NPC1L1: variants seen among roughly 807,000 people sequenced by gnomAD.
The protein encoded by NPC1L1 is NPC1-like intracellular cholesterol transporter 1.
NPC1L1 carries 98 observed loss-of-function variants against 117.0 expected under a neutral mutation model. That is an observed-to-expected ratio of 0.84 (90% CI 0.71 to 0.99). NPC1L1 has a LOEUF of 0.99. NPC1L1 is among the 50% of genes least tolerant of loss of function. The pLI is 0.00. For synonymous variants in NPC1L1, 729 were observed against 727.6 expected (o/e 1.00, Z -0.03); for missense variants, 1,540 against 1,710.0 (o/e 0.90, Z 1.75).
At chr7:44,532,014 C>T in intron 9 of NPC1L1, 66 bp downstream of exon 9, 1 of 1,612,332 alleles carries the variant, frequency 6.2e-7, no homozygotes, top group Non-Finnish European at 8.5e-7. Flanking sequence ...ACCTCCAACC[C>T]TGCTCTCCCT....
rs543332037 is a variant in NPC1L1, at chr7:44,534,477, A to G, written c.2136T>C (p.Asp712=). 1.9e-6 allele frequency: 3 copies of G among 1,614,154 alleles called. No individual in the cohort carries two copies. The highest frequency in any genetic ancestry group is 1.7e-5 in the Admixed American group (1 of 60,022). ...ACTCGAGAACAAAGATGAAGATGTTATCAGCCCCCACGGACAGCACCAGGA... is the reference window on the plus strand; with the variant it reads ...ACTCGAGAACAAAGATGAAGATGTTGTCAGCCCCCACGGACAGCACCAGGA... ...VPFLVLSVGA[D]NIFIFVLEYQ... Residue 712 remains aspartate, a synonymous_variant, in exon 6 of 19, where the codon GAT becomes GAC. Transcript: ENST00000381160. The surrounding 1 kb of genome is among the most constrained non-coding windows in gnomAD (Gnocchi z 5.2).
rs758104320 is a variant in NPC1L1, at chr7:44,520,825, A to G, written c.3081-5T>C. 1 of 1,614,094 alleles carries G rather than the reference A, an allele frequency of 6.2e-7. No individual in the cohort carries two copies. On this transcript the variant is annotated splice_region_variant and splice_polypyrimidine_tract_variant and intron_variant, in intron 13 of 18. Coordinates refer to ENST00000381160, the MANE Select transcript of NPC1L1 (RefSeq NM_001101648.2). ...GTGCTGTATGCTGCCAGGCCGCTGC[A>G]AGAAGGTCAGGGCAAAGGCTTAGCC... is the stretch of plus-strand genomic sequence containing the variant.
At chr7:44,528,329 T>G (rs1381867710) in intron 10 of NPC1L1, among the ~76,000 whole-genome samples, 3 of 152,174 alleles carry the variant, frequency 2.0e-5, no homozygotes, top group Non-Finnish European at 4.4e-5. Flanking sequence ...GGCCTCAAAT[T>G]CCTGGCCTCA....
At chr7:44,527,101 A>C (rs1585137852) in intron 10 of NPC1L1, among the ~76,000 whole-genome samples, 1 of 152,208 alleles carries the variant, frequency 6.6e-6, no homozygotes, top group Non-Finnish European at 1.5e-5. Context: ...AGCTGAAGGA[A>C]TTCGTTATCA....
chr7:44,521,887 G>A (rs1313300401), intron 11 of NPC1L1, 51 bp from the exon 12 acceptor site: 1 of 1,612,218 alleles, frequency 6.2e-7, no homozygotes, highest in Non-Finnish European at 8.5e-7. Context: ...GCAGGGTGGT[G>A]GGTCCTTCTC....
At chr7:44,535,661 A>G (rs1801859101) in intron 5 of NPC1L1, among the ~76,000 whole-genome samples, 179 bp downstream of exon 5, 1 of 152,162 alleles carries the variant, frequency 6.6e-6, no homozygotes, top group Admixed American at 6.5e-5. Context: ...AGAAAAGAAA[A>G]TTGCTCTTGA....
Position 44,536,103 on chromosome 7 carries a change from G to A in NPC1L1, c.1855-135C>T. The A allele has an allele frequency of 6.5e-7, 1 of 1,542,048 alleles. No homozygotes were observed. The highest frequency in any genetic ancestry group is 8.9e-7 in the Non-Finnish European group (1 of 1,119,044). ...ATGGCCCCCTATAATCGCAGGTGAG[G>A]CTATAAGAACAGCCATCACAATCAC... On this transcript the variant is annotated intron_variant, in intron 4 of 18. Transcript: ENST00000381160. This position sits in a 1 kb window ranked among gnomAD's most constrained non-coding sequence, Gnocchi z 4.7.
chr7:44,533,821 C>T lies in NPC1L1; in HGVS notation c.2199G>A (p.Glu733=), dbSNP rs1333150839. 3.7e-6 allele frequency: 6 copies of T among 1,613,218 alleles called. No homozygotes were observed. Among genetic ancestry groups the T allele is most frequent in the Non-Finnish European group, 5.1e-6 (6 of 1,179,848 alleles). ...RLPRRPGEPR[E]VHIGRALGRV... is the part of the protein sequence containing the mutation. Reference sequence around the variant, plus strand: ...TGCCTAGGGCTCGCCCAATGTGGACCTCTCGTGGCTCCCCAGGCCTCCGGG... The same window carrying T: ...TGCCTAGGGCTCGCCCAATGTGGACTTCTCGTGGCTCCCCAGGCCTCCGGG... The change falls in exon 7 of 19, where the codon GAG becomes GAA. Residue 733 remains glutamate (E), a synonymous_variant. Transcript: ENST00000381160.
chr7:44,541,160 C>T, intron 1 of NPC1L1, 46 bp downstream of exon 1: 1 of 1,544,428 alleles, frequency 6.5e-7, no homozygotes, highest in Non-Finnish European at 8.8e-7. Context: ...CCCAGGGTCC[C>T]TAACTGGAGG....
chr7:44,523,338 G>A lies in NPC1L1; in HGVS notation c.2638-1096C>T, dbSNP rs150305172. On this transcript the variant is annotated intron_variant, in intron 10 of 18. Transcript: ENST00000381160. Reference sequence around the variant, plus strand: ...CCCAAATGGCTGGGATTACAGGCATGAGCCACCACACCGGCCCTAGTGTAA... The same window carrying A: ...CCCAAATGGCTGGGATTACAGGCATAAGCCACCACACCGGCCCTAGTGTAA... Among the ~76,000 whole-genome samples the A allele has an allele frequency of 9.8e-5, 15 of 152,310 alleles. No individual in the cohort carries two copies. In the East Asian group the frequency reaches 2.7e-3, roughly 27 times the overall value.
chr7:44,535,110 C>T (rs1801832401), intron 5 of NPC1L1, among the ~76,000 whole-genome samples: 2 of 152,054 alleles, frequency 1.3e-5, no homozygotes, highest in African/African-American at 4.8e-5. Context: ...CGTGGTAGCT[C>T]ACGCATGTAA....
In NPC1L1 at chr7:44,532,113, G is replaced by T. The variant is rs143681066; in HGVS notation, c.2514C>A (p.Pro838=). The change falls in exon 9 of 19, where the codon CCC becomes CCA. Residue 838 remains proline (P), a synonymous_variant. Transcript: ENST00000381160. ...LLGFFQKAYA[P]FLLHWITRGV... is the part of the protein sequence containing the mutation. ...CTCGAGTGATCCAGTGCAGCAGGAA[G>T]GGGGCATAAGCCTTTTGGAAGAAGC... is the stretch of plus-strand genomic sequence containing the variant. 3.3e-5 allele frequency: 54 copies of T among 1,614,196 alleles called. No homozygotes were observed. The East Asian group carries it at 1.1e-3, about 33-fold the overall frequency.
At position 44,531,829 on chromosome 7, in the gene NPC1L1, C is replaced by G; in HGVS notation, c.2563G>C (p.Ala855Pro). Reference protein sequence around the residue: ...TRGVVLLLFLALFGVSLYSMC... With the variant: ...TRGVVLLLFLPLFGVSLYSMC... ...GAGTAGAGGCTCACTCCGAACAGGG[C>G]GAGAAACAGCAGCAGCTGAGAAGGG... The change falls in exon 10 of 19, where the codon GCC becomes CCC. Residue 855 changes from alanine (A) to proline (P), a missense_variant. Transcript: ENST00000381160. The G allele has an allele frequency of 6.3e-7, 1 of 1,585,280 alleles. No homozygotes were observed.
chr7:44,532,064 T>C lies in NPC1L1; in HGVS notation c.2547+16A>G, dbSNP rs776962923. 1 of 1,614,042 alleles carries C rather than the reference T, an allele frequency of 6.2e-7. No homozygotes were observed. The highest frequency in any genetic ancestry group is 1.7e-5 in the Admixed American group (1 of 60,028). ...ACCTAGTGCCCCTGCTCTCGTGTGGTTCGAGGCCCACTCACCACAACACCT... is the reference window on the plus strand; with the variant it reads ...ACCTAGTGCCCCTGCTCTCGTGTGGCTCGAGGCCCACTCACCACAACACCT... On this transcript the variant is annotated intron_variant, in intron 9 of 18. Transcript: ENST00000381160.
chr7:44,523,141 C>T (rs1404802990), intron 10 of NPC1L1, among the ~76,000 whole-genome samples: 7 of 152,220 alleles, frequency 4.6e-5, no homozygotes, highest in South Asian at 4.2e-4. Flanking sequence ...CTGCAACCTC[C>T]GCCTCCTGGG....
Position 44,533,845 on chromosome 7 carries a change from G to T in NPC1L1, c.2175C>A (p.Pro725=). The T allele has an allele frequency of 6.2e-7, 1 of 1,611,526 alleles. No homozygotes were observed. Among genetic ancestry groups the T allele is most frequent in the Non-Finnish European group, 8.5e-7 (1 of 1,179,236 alleles). Reference sequence around the variant, plus strand: ...CCTCTCGTGGCTCCCCAGGCCTCCGGGGCAGCCTCTGTGTGGGAACAGCAG... The same window carrying T: ...CCTCTCGTGGCTCCCCAGGCCTCCGTGGCAGCCTCTGTGTGGGAACAGCAG... ...FIFVLEYQRL[P]RRPGEPREVH... Residue 725 remains proline, a synonymous_variant, in exon 7 of 19, where the codon CCC becomes CCA. Coordinates refer to ENST00000381160, the MANE Select transcript of NPC1L1 (RefSeq NM_001101648.2).
chr7:44,521,963 G>A lies in NPC1L1; in HGVS notation c.2828+89C>T. 11 of 1,593,556 alleles carry A rather than the reference G, an allele frequency of 6.9e-6. No individual in the cohort carries two copies. The Admixed American group carries it at 1.4e-4, about 20-fold the overall frequency. On this transcript the variant is annotated intron_variant, in intron 11 of 18. Transcript: ENST00000381160. ...GCAAGGCAGCAGGGCAGCAGGACAG[G>A]GATAGAACATCAGGAAGAGGGGACT...
intron 10 of NPC1L1, among the ~76,000 whole-genome samples, chr7:44,529,439 C>A (rs186801521): frequency 2.7e-5 from 4 of 150,568 alleles, no homozygotes; most frequent in Non-Finnish European, 5.9e-5. Context: ...AGTGCAATGG[C>A]GTGATCTCAG....
At position 44,535,913 on chromosome 7, in the gene NPC1L1, G is replaced by T; in HGVS notation, c.1910C>A (p.Ala637Asp). 6.2e-7 allele frequency: 1 copy of T among 1,613,548 alleles called. No homozygotes were observed. ...RTTAEDLPIF[A>D]TSYIVIFLYI... ...CAGGAATATGACAATGTAGCTGGTG[G>T]CAAAGATGGGCAGGTCTTCAGCTGT... Residue 637 changes from alanine (A) to aspartate (D), a missense_variant, in exon 5 of 19, where the codon GCC becomes GAC. Coordinates refer to ENST00000381160, the MANE Select transcript of NPC1L1 (RefSeq NM_001101648.2).
Sources: allele counts gnomAD v4.1 joint callset (sites outside exome capture counted in the v4.1 genomes callset), GRCh38; gene constraint gnomAD v4.1.1; non-coding constraint Gnocchi (gnomAD v3.1); transcripts MANE v1.5; gene names NCBI Gene and HGNC (gene_info 2026-07-23, HGNC 2026-07-21).